PHF21B: variants seen among roughly 807,000 people sequenced by gnomAD.
The protein encoded by PHF21B is PHD finger protein 4.
A neutral mutation model predicts 62.2 loss-of-function variants in PHF21B; 22 were observed. The ratio of observed to expected loss-of-function variants is 0.35; its 90% CI spans 0.25 to 0.51. The LOEUF (loss-of-function observed/expected upper bound fraction) is 0.51. PHF21B is among the 20% of genes least tolerant of loss of function. PHF21B has a pLI of 0.97. For missense variants in PHF21B, 701 were observed against 707.9 expected (o/e 0.99, Z 0.11); for synonymous variants, 341 against 314.7 (o/e 1.08, Z -0.88).
At position 44,920,250 on chromosome 22, in the gene PHF21B, G is replaced by C. The variant is rs1039105006; in HGVS notation, c.213+148C>G. On this transcript the variant is annotated intron_variant, in intron 3 of 12. Transcript: ENST00000313237. The stretch of plus-strand genomic sequence containing the variant: ...AAATGTTTCCATTGAAGAATGGATA[G>C]AAGAGGTAAGAGGGGAAGGTGCAGC... The C allele has an allele frequency of 2.3e-5, 11 of 484,560 alleles. No homozygotes were observed. The Admixed American group carries it at 3.5e-4, about 15-fold the overall frequency. 30.0% of individuals were successfully genotyped at this position (484,560 alleles called of 1,614,324 possible). A position where few individuals can be genotyped will look rare whatever the true frequency, so the allele number is the denominator to read the frequency against.
At chr22:44,918,216 G>T (rs549448075) in intron 3 of PHF21B, among the ~76,000 whole-genome samples, 1 of 152,256 alleles carries the variant, frequency 6.6e-6, no homozygotes, top group Non-Finnish European at 1.5e-5. Flanking sequence ...GCGTGGGGGC[G>T]GATGGACACC....
intron 2 of PHF21B, chr22:44,967,087 A>T (rs1423651966): frequency 6.6e-6 from 1 of 152,162 alleles, no homozygotes; most frequent in Non-Finnish European, 1.5e-5. Context: ...CTGAATCAGG[A>T]ACTTTCTCCA....
intron 5 of PHF21B, among the ~76,000 whole-genome samples, chr22:44,899,072 A>ATAT (rs1206619694): frequency 2.6e-5 from 4 of 152,156 alleles, no homozygotes; most frequent in Admixed American, 2.0e-4. Flanking sequence ...GAGGATTAGA[A>ATAT]TATCCCTTCA....
Position 45,009,149 on chromosome 22 carries a change from C to T in PHF21B, c.54+347G>A. The T allele has an allele frequency of 1.7e-6, 1 of 577,980 alleles. No individual in the cohort carries two copies. Among genetic ancestry groups the T allele is most frequent in the Non-Finnish European group, 2.5e-6 (1 of 406,630 alleles). 35.8% of individuals were successfully genotyped at this position (577,980 alleles called of 1,614,324 possible). ...CGGGGCGCGGGGGCCCGAGGGGAGG[C>T]CGGAAGGGGGCCTATTCGCACTCCC... is the stretch of plus-strand genomic sequence containing the variant. On this transcript the variant is annotated intron_variant, in intron 1 of 12. Transcript: ENST00000313237. This position sits in a 1 kb window ranked among gnomAD's most constrained non-coding sequence, Gnocchi z 5.9.
At chr22:44,959,036 G>A (rs1249209585) in intron 2 of PHF21B, among the ~76,000 whole-genome samples, 10 of 152,076 alleles carry the variant, frequency 6.6e-5, no homozygotes, top group Non-Finnish European at 7.3e-5. Flanking sequence ...GATTCAGATG[G>A]TATACTGCCT....
chr22:44,910,156 T>C (rs1448776348), intron 5 of PHF21B, among the ~76,000 whole-genome samples: 5 of 152,054 alleles, frequency 3.3e-5, no homozygotes, highest in South Asian at 2.1e-4. Context: ...GGGAGAATCG[T>C]TGGGAGCTGC....
chr22:44,987,309 G>C (rs181419523), intron 2 of PHF21B, among the ~76,000 whole-genome samples: 408 of 150,496 alleles, frequency 2.7e-3, no homozygotes, highest in African/African-American at 9.4e-3. Flanking sequence ...AAAGAGGTGA[G>C]AAGGAAGGCC....
At chr22:44,913,019 C>T (rs1486844397) in intron 5 of PHF21B, among the ~76,000 whole-genome samples, 1 of 152,134 alleles carries the variant, frequency 6.6e-6, no homozygotes, top group Non-Finnish European at 1.5e-5. Flanking sequence ...TGCAGTACAC[C>T]TGCTGCCACC....
chr22:45,008,206 C>T (rs931582032), intron 2 of PHF21B: 21 of 217,048 alleles, frequency 9.7e-5, no homozygotes, highest in Middle Eastern at 1.5e-3. Flanking sequence ...CCTCCGCCCC[C>T]ATGGCCGCCT....
intron 4 of PHF21B, among the ~76,000 whole-genome samples, chr22:44,915,910 G>C (rs1487098219): frequency 6.6e-6 from 1 of 152,156 alleles, no homozygotes; most frequent in African/African-American, 2.4e-5. Flanking sequence ...CAGAAACAGA[G>C]AATCAGTATC....
At chr22:44,943,027 C>T (rs919622760) in intron 2 of PHF21B, among the ~76,000 whole-genome samples, 1 of 146,908 alleles carries the variant, frequency 6.8e-6, no homozygotes, top group South Asian at 2.1e-4. Flanking sequence ...AAGGGCTGAC[C>T]AAAGCCAAGA....
intron 2 of PHF21B, among the ~76,000 whole-genome samples, chr22:44,926,283 G>A (rs12168877): frequency 0.02 from 3,052 of 152,350 alleles, 114 homozygotes; most frequent in African/African-American, 0.07. Context: ...ATGTCCCCGC[G>A]GTGGATTCCC....
At position 44,913,806 on chromosome 22, in the gene PHF21B, G is replaced by C; in HGVS notation, c.831+16C>G. On this transcript the variant is annotated intron_variant, in intron 5 of 12. Coordinates refer to ENST00000313237, the MANE Select transcript of PHF21B (RefSeq NM_138415.5). ...GACTGAGCAGGGCCTGGGCCCTCCGGAGAGGCCTGTCCTACCTCGGGGTTC... is the reference window on the plus strand; with the variant it reads ...GACTGAGCAGGGCCTGGGCCCTCCGCAGAGGCCTGTCCTACCTCGGGGTTC... 1 of 1,608,102 alleles carries C rather than the reference G, an allele frequency of 6.2e-7. No homozygotes were observed.
At chr22:44,934,489 G>T (rs1192310270) in intron 2 of PHF21B, among the ~76,000 whole-genome samples, 2 of 152,076 alleles carry the variant, frequency 1.3e-5, no homozygotes, top group African/African-American at 4.8e-5. Context: ...GGACAGTCTA[G>T]AGGTATACCA....
Position 44,911,874 on chromosome 22 carries a change from G to A in PHF21B, c.831+1948C>T, listed in dbSNP as rs150443734. On this transcript the variant is annotated intron_variant, in intron 5 of 12. Transcript: ENST00000313237. The stretch of plus-strand genomic sequence containing the variant: ...CACCAACAGCTCGTACTGTGCACCT[G>A]GAAAAGCTGCAGACACTCAACACCA... Among the ~76,000 whole-genome samples, 240 of 148,496 alleles carry A rather than the reference G, an allele frequency of 1.6e-3. 1 individual carries two copies. Among genetic ancestry groups the A allele is most frequent in the African/African-American group, 6.0e-3 (233 of 38,758 alleles).
At chr22:44,901,445 A>G (rs2071157345) in intron 5 of PHF21B, 1 of 183,140 alleles carries the variant, frequency 5.5e-6, no homozygotes, top group Non-Finnish European at 1.1e-5. Flanking sequence ...ATTGCAGGAA[A>G]TTATGGAAAT....
At chr22:44,961,132 T>G (rs111710077) in intron 2 of PHF21B, among the ~76,000 whole-genome samples, 1,783 of 151,934 alleles carry the variant, frequency 0.012, 46 homozygotes, top group African/African-American at 0.041. Context: ...CATTTTTGTA[T>G]TTTTAGTAGA....
intron 2 of PHF21B, among the ~76,000 whole-genome samples, chr22:44,956,365 G>A (rs2072297216): frequency 6.6e-6 from 1 of 152,204 alleles, no homozygotes; most frequent in Non-Finnish European, 1.5e-5. Context: ...CCTGACGAGT[G>A]TATCTTTTCC....
chr22:44,894,567 G>A (rs2071024009), intron 6 of PHF21B, among the ~76,000 whole-genome samples: 1 of 152,172 alleles, frequency 6.6e-6, no homozygotes, highest in Non-Finnish European at 1.5e-5. Flanking sequence ...GATTCATCTC[G>A]CTCAAGCTCA....
Sources: gnomAD v4.1 joint callset for allele counts (sites outside exome capture counted in the v4.1 genomes callset) on GRCh38, gnomAD v4.1.1 for gene constraint, Gnocchi (gnomAD v3.1) non-coding constraint, MANE v1.5 for transcripts, NCBI Gene and HGNC (gene_info 2026-07-23, HGNC 2026-07-21) for gene names.